The following COL4A6 variants were observed in gnomAD, a reference collection of about 807,000 sequenced individuals.
The protein encoded by COL4A6 is collagen alpha-6(IV) chain.
Under a neutral mutation model 126.7 loss-of-function variants are expected in COL4A6, and 59 were observed. That is an observed-to-expected ratio of 0.47 (90% CI 0.38 to 0.58). The LOEUF (loss-of-function observed/expected upper bound fraction) is 0.58. Ranked by LOEUF, COL4A6 falls within the 20% of genes least tolerant of loss-of-function variation. The probability of loss-of-function intolerance (pLI) is 0.00; values close to 1 mark genes in which losing one functional copy is unlikely to be tolerated. For synonymous variants in COL4A6, 547 were observed against 496.6 expected (o/e 1.10, Z -1.35); for missense variants, 1,285 against 1,337.3 (o/e 0.96, Z 0.61).
intron 3 of COL4A6, 70 bp from the exon 4 acceptor site, chrX:108,221,444 C>T: frequency 9.1e-7 from 1 of 1,095,095 alleles, no homozygotes; most frequent in Non-Finnish European, 1.2e-6. Flanking sequence ...TTTTCCCACG[C>T]ACAAAGAGCA....
intron 3 of COL4A6, among the ~76,000 whole-genome samples, chrX:108,258,886 T>G (rs780300063): frequency 1.8e-5 from 2 of 111,600 alleles, no homozygotes; most frequent in Non-Finnish European, 3.8e-5. Flanking sequence ...ACTCCTATGT[T>G]CCCACTGTTG....
intron 2 of COL4A6, among the ~76,000 whole-genome samples, chrX:108,377,376 G>A (rs1885558809): frequency 9.2e-6 from 1 of 108,601 alleles, no homozygotes; most frequent in Admixed American, 9.7e-5. Flanking sequence ...ACTGCAAAGA[G>A]GTCTTCCTCT....
intron 2 of COL4A6, among the ~76,000 whole-genome samples, chrX:108,374,219 G>T (rs186033911): frequency 2.7e-5 from 3 of 112,073 alleles, no homozygotes; most frequent in Middle Eastern, 4.2e-3. Flanking sequence ...CATTTTTGCC[G>T]TAGCAAAATG....
In COL4A6 at chrX:108,437,959, C is replaced by G. The variant is rs768415717; in HGVS notation, c.46G>C (p.Glu16Gln). The change falls in exon 2 of 45, where the codon GAG becomes CAG. Residue 16 changes from glutamate to glutamine, a missense_variant. Coordinates refer to ENST00000334504, the MANE Select transcript of COL4A6 (RefSeq NM_033641.4). Reference protein sequence around the residue: ...WLLLVTLCLTEELAAAGEKSY... With the variant: ...WLLLVTLCLTQELAAAGEKSY... ...AGACTCACCGCTGCTGCCAGTTCCT[C>G]GGTCAGGCACAACGTAACCAGGAGC... is the stretch of plus-strand genomic sequence containing the variant. The G allele has an allele frequency of 1.7e-6, 2 of 1,208,829 alleles. No homozygotes were observed. Among genetic ancestry groups the G allele is most frequent in the Non-Finnish European group, 2.2e-6 (2 of 894,892 alleles).
At position 108,176,874 on chromosome X, in the gene COL4A6, C is replaced by A. The variant is rs112034997; in HGVS notation, c.2653G>T (p.Val885Phe). 3.3e-4 allele frequency: 404 copies of A among 1,209,619 alleles called. 5 individuals are homozygous for A. The African/African-American group carries it at 4.5e-3, about 13-fold the overall frequency. The change falls in exon 28 of 45, where the codon GTC becomes TTC. Residue 885 changes from valine to phenylalanine, a missense_variant. Physicochemically the swap from Val to Phe is conservative, Grantham distance 50 (BLOSUM62 -1). Coordinates refer to ENST00000334504, the MANE Select transcript of COL4A6 (RefSeq NM_033641.4). ...GLKGSPGSPG[V>F]AGLPALSGPK... is the part of the protein sequence containing the mutation. ...CCAGAGAGGGCTGGCAACCCAGCGACCCCTGGAGAGCCTGGGCTTCCTTTC... is the reference window on the plus strand; with the variant it reads ...CCAGAGAGGGCTGGCAACCCAGCGAACCCTGGAGAGCCTGGGCTTCCTTTC...
At chrX:108,258,875 G>T (rs992310287) in intron 3 of COL4A6, among the ~76,000 whole-genome samples, 1 of 111,412 alleles carries the variant, frequency 9.0e-6, no homozygotes, top group African/African-American at 3.3e-5. Context: ...TGGTAACCAA[G>T]ACTCCTATGT....
chrX:108,415,551 C>T, intron 2 of COL4A6, among the ~76,000 whole-genome samples: 1 of 111,563 alleles, frequency 9.0e-6, no homozygotes, highest in Non-Finnish European at 1.9e-5. Flanking sequence ...GTATATAATC[C>T]CTACCTATCT....
chrX:108,427,436 A>T (rs1217023061), intron 2 of COL4A6, among the ~76,000 whole-genome samples: 1 of 112,269 alleles, frequency 8.9e-6, no homozygotes, highest in East Asian at 2.8e-4. Context: ...TAACTTCCTA[A>T]GAGAAGAACA....
chrX:108,428,727 G>A (rs1223396138), intron 2 of COL4A6, among the ~76,000 whole-genome samples: 1 of 111,062 alleles, frequency 9.0e-6, no homozygotes, highest in Non-Finnish European at 1.9e-5. Context: ...AGAGGAAAAT[G>A]TGACCAGGAT....
intron 3 of COL4A6, among the ~76,000 whole-genome samples, chrX:108,308,722 A>T (rs1037137484): frequency 4.5e-5 from 5 of 112,152 alleles, no homozygotes; most frequent in Non-Finnish European, 9.4e-5. Flanking sequence ...TGGGAATATA[A>T]ATTGGAGAAT....
At chrX:108,204,655 A>C in intron 11 of COL4A6, 2 of 448,389 alleles carry the variant, frequency 4.5e-6, no homozygotes, top group Non-Finnish European at 7.9e-6. Context: ...GGAAACTTTA[A>C]GTTCATGGTT....
intron 2 of COL4A6, among the ~76,000 whole-genome samples, chrX:108,414,634 A>AG (rs1349692757): frequency 2.8e-5 from 3 of 106,318 alleles, no homozygotes; most frequent in Admixed American, 2.0e-4. Context: ...AAAAAAAAAA[A>AG]AAGAAGAAGA....
chrX:108,342,975 T>C (rs1374593582), intron 2 of COL4A6, among the ~76,000 whole-genome samples: 4 of 108,872 alleles, frequency 3.7e-5, no homozygotes, highest in East Asian at 2.9e-4. Flanking sequence ...ACATGACTCA[T>C]AGAGTTGTTC....
chrX:108,205,465 C>T lies in COL4A6; in HGVS notation c.661G>A (p.Gly221Ser), dbSNP rs913845999. The T allele has an allele frequency of 2.5e-6, 3 of 1,203,628 alleles. No individual in the cohort carries two copies. The highest frequency in any genetic ancestry group is 3.4e-6 in the Non-Finnish European group (3 of 888,429). ...PLGPDGNMGL[G>S]FQGEKGVKGD... ...TTGACTCCTTTCTCTCCTTGAAAAC[C>T]TAGCCCCATATTCCCCTAGGGAATA... The change falls in exon 11 of 45, where the codon GGT (glycine) becomes AGT (serine). Residue 221 changes from glycine to serine, a missense_variant. Physicochemically the swap from Gly to Ser is moderately conservative, Grantham distance 56 (BLOSUM62 0). Transcript: ENST00000334504.
intron 31 of COL4A6, among the ~76,000 whole-genome samples, 174 bp downstream of exon 31, chrX:108,174,266 G>A (rs1276021946): frequency 8.9e-6 from 1 of 111,830 alleles, no homozygotes. Flanking sequence ...AGGAGGAGAT[G>A]TTCAGGAAAG....
At position 108,438,255 on chromosome X, in the gene COL4A6, G is replaced by C; in HGVS notation, c.-59C>G. The C allele has an allele frequency of 8.7e-7, 1 of 1,150,309 alleles. No homozygotes were observed. The highest frequency in any genetic ancestry group is 1.2e-6 in the Non-Finnish European group (1 of 868,763). 94.8% of individuals were successfully genotyped at this position (1,150,309 alleles called of 1,213,427 possible). ...ACTGCTAAGCGGCTCCGCGGCCCGT[G>C]CTCATCTGGGCTCTGCTGATGCTTG... On this transcript the variant is annotated 5_prime_UTR_variant, in exon 1 of 45. Coordinates refer to ENST00000334504, the MANE Select transcript of COL4A6 (RefSeq NM_033641.4).
chrX:108,407,972 TA>T (rs1199294844), intron 2 of COL4A6, among the ~76,000 whole-genome samples: 1 of 111,095 alleles, frequency 9.0e-6, no homozygotes, highest in African/African-American at 3.3e-5. Flanking sequence ...CTGAGACAGG[TA>T]CTATTGTGAT....
chrX:108,399,617 A>G (rs1193781418), intron 2 of COL4A6, among the ~76,000 whole-genome samples: 1 of 111,315 alleles, frequency 9.0e-6, no homozygotes, highest in Non-Finnish European at 1.9e-5. Context: ...TTTTCAACAC[A>G]CAAAATGCTA....
chrX:108,208,942 T>A (rs1302770418), intron 8 of COL4A6, among the ~76,000 whole-genome samples: 1 of 112,288 alleles, frequency 8.9e-6, no homozygotes, highest in Non-Finnish European at 1.9e-5. Context: ...TTGTATATCA[T>A]GCCTGTGTAT....
Sources: gnomAD v4.1 joint callset for allele counts (sites outside exome capture counted in the v4.1 genomes callset) on GRCh38, gnomAD v4.1.1 for gene constraint, MANE v1.5 for transcripts, NCBI Gene and HGNC (gene_info 2026-07-23, HGNC 2026-07-21) for gene names.